The following BASP1 variants were observed in gnomAD, a reference collection of about 807,000 sequenced individuals.
The protein encoded by BASP1 is brain acid soluble protein 1.
In BASP1, 1 loss-of-function variant was observed where a neutral mutation model predicts 2.2. The ratio of observed to expected loss-of-function variants is 0.46; its 90% confidence interval spans 0.16 to 2.17. BASP1 has a LOEUF of 2.17. Among genes scored for constraint, BASP1 ranks in the 30% most tolerant of loss-of-function variants. The probability of loss-of-function intolerance (pLI) is 0.27; values close to 1 mark genes in which losing one functional copy is unlikely to be tolerated. For synonymous variants in BASP1, 187 were observed against 154.2 expected (o/e 1.21, Z -1.58); for missense variants, 352 against 327.2 (o/e 1.08, Z -0.58).
intron 1 of BASP1, among the ~76,000 whole-genome samples, chr5:17,229,550 T>G (rs1739578330): frequency 6.6e-6 from 1 of 152,068 alleles, no homozygotes; most frequent in South Asian, 2.1e-4. Context: ...CTCTGTTCCC[T>G]CCTCACTTTG....
Position 17,275,211 on chromosome 5 carries a change from T to C in BASP1, c.-6T>C. ...TTTGTTTTGTGTTTGCTTCCAGAAC[T>C]CCAAGATGGGAGGCAAGCTCAGCAA... On this transcript the variant is annotated 5_prime_UTR_variant, in exon 2 of 2. Coordinates refer to ENST00000322611, the MANE Select transcript of BASP1 (RefSeq NM_006317.5). The surrounding 1 kb of genome is among the most constrained non-coding windows in gnomAD (Gnocchi z 5.3). 1.2e-6 allele frequency: 2 copies of C among 1,611,342 alleles called. No individual in the cohort carries two copies. Among genetic ancestry groups the C allele is most frequent in the Non-Finnish European group, 8.5e-7 (1 of 1,178,674 alleles).
chr5:17,250,731 A>G (rs867747877), intron 1 of BASP1, among the ~76,000 whole-genome samples: 7 of 152,066 alleles, frequency 4.6e-5, no homozygotes, highest in Admixed American at 1.3e-4. Flanking sequence ...CAGCCTCCCA[A>G]GTAGCTGGGA....
chr5:17,247,344 C>T (rs1309209826), intron 1 of BASP1, among the ~76,000 whole-genome samples: 5 of 152,222 alleles, frequency 3.3e-5, no homozygotes, highest in African/African-American at 1.2e-4. Context: ...TATCCAGGTG[C>T]CCAGAGGCTG....
At position 17,275,989 on chromosome 5, in the gene BASP1, T is replaced by C; in HGVS notation, c.*89T>C. On this transcript the variant is annotated 3_prime_UTR_variant, in exon 2 of 2. Transcript: ENST00000322611. This position sits in a 1 kb window ranked among gnomAD's most constrained non-coding sequence, Gnocchi z 5.3. ...TCTCTCTATCTCTCTCTCTATCTCC[T>C]CTCTCTCTCTCCTCTCCTATCTCTC... The C allele has an allele frequency of 3.1e-6, 3 of 983,076 alleles. No individual in the cohort carries two copies. Among genetic ancestry groups the C allele is most frequent in the Non-Finnish European group, 2.8e-6 (2 of 724,748 alleles). The allele number at this position is 983,076 out of a possible 1,614,324, so 60.9% of individuals were successfully genotyped here. A position where few individuals can be genotyped will look rare whatever the true frequency, so the allele number is the denominator to read the frequency against.
At chr5:17,219,464 A>T (rs1739350743) in intron 1 of BASP1, among the ~76,000 whole-genome samples, 1 of 152,232 alleles carries the variant, frequency 6.6e-6, no homozygotes, top group African/African-American at 2.4e-5. Flanking sequence ...GATGAAGGCA[A>T]ATTGTGGATT....
At chr5:17,255,652 GCTGA>G (rs1740196173) in intron 1 of BASP1, among the ~76,000 whole-genome samples, 1 of 152,142 alleles carries the variant, frequency 6.6e-6, no homozygotes, top group Non-Finnish European at 1.5e-5. Flanking sequence ...GAGATGCAAG[GCTGA>G]CTGTGGACGT....
At chr5:17,228,298 G>A (rs894868049) in intron 1 of BASP1, among the ~76,000 whole-genome samples, 3 of 152,154 alleles carry the variant, frequency 2.0e-5, no homozygotes, top group East Asian at 3.9e-4. Flanking sequence ...GGGGGTCATC[G>A]TAAGAGAACT....
At chr5:17,267,387 A>T (rs1740433803) in intron 1 of BASP1, among the ~76,000 whole-genome samples, 1 of 152,108 alleles carries the variant, frequency 6.6e-6, no homozygotes, top group Non-Finnish European at 1.5e-5. Flanking sequence ...TTCCATCCTG[A>T]CTCATTCCTT....
In BASP1 at chr5:17,271,053, C is replaced by T. The variant is rs372643319; in HGVS notation, c.-9-4155C>T. ...TACTGTTTATGGTTATTTTCTATGC[C>T]AATATTAATCGGTAAGCCTGTCATT... On this transcript the variant is annotated intron_variant, in intron 1 of 1. Coordinates refer to ENST00000322611, the MANE Select transcript of BASP1 (RefSeq NM_006317.5). 1.4e-4 allele frequency among the ~76,000 whole-genome samples: 22 copies of T among 152,248 alleles called. 1 individual carries two copies. The East Asian group carries it at 3.1e-3, about 21-fold the overall frequency.
At chr5:17,220,824 A>G (rs1236929595) in intron 1 of BASP1, among the ~76,000 whole-genome samples, 1 of 152,042 alleles carries the variant, frequency 6.6e-6, no homozygotes, top group Non-Finnish European at 1.5e-5. Flanking sequence ...TTTATTTTTT[A>G]ATTTCACAAT....
In BASP1 at chr5:17,275,637, C is replaced by A; in HGVS notation, c.421C>A (p.Pro141Thr). 1 of 1,516,508 alleles carries A rather than the reference C, an allele frequency of 6.6e-7. No homozygotes were observed. Among genetic ancestry groups the A allele is most frequent in the Non-Finnish European group, 8.8e-7 (1 of 1,134,150 alleles). 93.9% of individuals were successfully genotyped at this position (1,516,508 alleles called of 1,614,324 possible). A position where few individuals can be genotyped will look rare whatever the true frequency, so the allele number is the denominator to read the frequency against. Residue 141 changes from proline (P) to threonine (T), a missense_variant, in exon 2 of 2, where the codon CCC becomes ACC. Transcript: ENST00000322611. This position sits in a 1 kb window ranked among gnomAD's most constrained non-coding sequence, Gnocchi z 5.3. ...CGCGGCCCCTGCCGCCGGGGAGGAG[C>A]CCAGCAAGGAGGAAGGGGAACCCAA... ...ESAAPAAGEE[P>T]SKEEGEPKKT...
chr5:17,218,423 A>T (rs935566134), intron 1 of BASP1, among the ~76,000 whole-genome samples: 2 of 152,056 alleles, frequency 1.3e-5, no homozygotes, highest in Non-Finnish European at 2.9e-5. Context: ...AAGGAATACG[A>T]GGTTCACACG....
chr5:17,241,196 T>A (rs1313996013), intron 1 of BASP1, among the ~76,000 whole-genome samples: 1 of 151,952 alleles, frequency 6.6e-6, no homozygotes, highest in Non-Finnish European at 1.5e-5. Context: ...ACCTCTCAGA[T>A]TCAAGCGATT....
intron 1 of BASP1, among the ~76,000 whole-genome samples, chr5:17,242,734 T>A (rs1045091909): frequency 6.6e-6 from 1 of 152,164 alleles, no homozygotes; most frequent in Non-Finnish European, 1.5e-5. Context: ...ATGCTTTGTG[T>A]TATAACTTTA....
At chr5:17,222,906 C>T (rs73756380) in intron 1 of BASP1, among the ~76,000 whole-genome samples, 6,520 of 152,106 alleles carry the variant, frequency 0.043, 223 homozygotes, top group African/African-American at 0.09. Context: ...CTGCAAGCAC[C>T]ACAGGGGCCC....
At position 17,276,735 on chromosome 5, in the gene BASP1, AAAAC is replaced by A. The variant is rs1740672586; in HGVS notation, c.*839_*842del. On this transcript the variant is annotated 3_prime_UTR_variant, in exon 2 of 2. Coordinates refer to ENST00000322611, the MANE Select transcript of BASP1 (RefSeq NM_006317.5). ...ACCACTCATTGGAAAATGGAAAAAA[AAAAC>A]AAAAAAAAAACAAAAAAATGTACAA... 1 of 84,702 alleles carries A rather than the reference AAAAC, an allele frequency of 1.2e-5. No individual in the cohort carries two copies. Among genetic ancestry groups the A allele is most frequent in the African/African-American group, 3.8e-5 (1 of 26,366 alleles). 5.2% of individuals were successfully genotyped at this position (84,702 alleles called of 1,614,324 possible). A position where few individuals can be genotyped will look rare whatever the true frequency, so the allele number is the denominator to read the frequency against.
chr5:17,222,087 A>G (rs1053570969), intron 1 of BASP1, among the ~76,000 whole-genome samples: 6 of 152,042 alleles, frequency 3.9e-5, no homozygotes, highest in African/African-American at 1.4e-4. Context: ...TAATTTCAGT[A>G]TATTCAGCTG....
intron 1 of BASP1, among the ~76,000 whole-genome samples, chr5:17,253,581 C>T (rs1389932589): frequency 2.6e-5 from 4 of 152,074 alleles, no homozygotes. Context: ...ATTAGATTCC[C>T]CACTTTCTTC....
At chr5:17,237,363 AAAAG>A (rs1274202941) in intron 1 of BASP1, among the ~76,000 whole-genome samples, 1 of 152,180 alleles carries the variant, frequency 6.6e-6, no homozygotes, top group South Asian at 2.1e-4. Context: ...CAAAACAAAA[AAAAG>A]AAAGAAAGGT....
Sources: allele counts gnomAD v4.1 joint callset (sites outside exome capture counted in the v4.1 genomes callset), GRCh38; gene constraint gnomAD v4.1.1; non-coding constraint Gnocchi (gnomAD v3.1); transcripts MANE v1.5; gene names NCBI Gene and HGNC (gene_info 2026-07-23, HGNC 2026-07-21).